Variants in COL6A3 observed in about 807,000 individuals in gnomAD.
COL6A3 encodes collagen type VI alpha 3 chain.
Under a neutral mutation model 274.1 loss-of-function variants are expected in COL6A3, and 137 were observed. The observed-to-expected ratio is 0.50, with a 90% CI of 0.44 to 0.58. The LOEUF (loss-of-function observed/expected upper bound fraction) is 0.58, where lower values mean the gene tolerates loss of function less well. Ranked by LOEUF, COL6A3 falls within the 20% of genes least tolerant of loss-of-function variation. The pLI is 0.00. For missense variants in COL6A3, 3,950 were observed against 4,124.9 expected, an observed-to-expected ratio of 0.96 and a Z score of 1.16; for synonymous variants, 1,650 against 1,650.6, an observed-to-expected ratio of 1.00 and a Z score of 0.01.
chr2:237,370,506 G>A (rs965786867), intron 9 of COL6A3, among the ~76,000 whole-genome samples: 1 of 152,026 alleles, frequency 6.6e-6, no homozygotes, highest in East Asian at 1.9e-4. Context: ...CAAAGTGCTG[G>A]GATTACAGGC....
At position 237,374,846 on chromosome 2, in the gene COL6A3, A is replaced by G. The variant is rs1251341190; in HGVS notation, c.3245T>C (p.Leu1082Pro). The change falls in exon 8 of 44, where the codon CTG becomes CCG. Residue 1082 changes from leucine to proline, a missense_variant. This residue lies in a region of COL6A3 where 1,934 missense variants were observed against 1,984.3 expected (regional missense o/e 0.97). Transcript: ENST00000295550. This position sits in a 1 kb window ranked among gnomAD's most constrained non-coding sequence, Gnocchi z 4.8. Reference protein sequence around the residue: ...YSDRTRPEFYLNSYMNKQDVV... With the variant: ...YSDRTRPEFYPNSYMNKQDVV... ...GTCCTGCTTGTTCATGTATGAATTC[A>G]GGTAGAACTCGGGCCTGGTCCGGTC... 1 of 1,613,988 alleles carries G rather than the reference A, an allele frequency of 6.2e-7. No individual in the cohort carries two copies. Among genetic ancestry groups the G allele is most frequent in the African/African-American group, 1.3e-5 (1 of 74,998 alleles).
chr2:237,402,416 G>T (rs528505355), intron 1 of COL6A3, among the ~76,000 whole-genome samples: 3 of 152,170 alleles, frequency 2.0e-5, no homozygotes, highest in Non-Finnish European at 4.4e-5. Flanking sequence ...AATGAGGACA[G>T]GAAATATCAT....
Position 237,377,003 on chromosome 2 carries a change from G to A in COL6A3, c.2839C>T (p.Leu947=). ...CGGTCAGATGACCTTCCTGCGACCA[G>A]CAGCACCAGGAACTGAAGCACTCCA... The part of the protein sequence containing the change: ...EDGVLQFLVL[L]VAGRSSDRVD... Residue 947 remains leucine (L), a synonymous_variant, in exon 7 of 44, where the codon CTG becomes TTG. Coordinates refer to ENST00000295550, the MANE Select transcript of COL6A3 (RefSeq NM_004369.4). 6.2e-7 allele frequency: 1 copy of A among 1,614,204 alleles called. No individual in the cohort carries two copies.
chr2:237,341,341 C>T (rs911972271), intron 37 of COL6A3, among the ~76,000 whole-genome samples, 191 bp from the exon 38 acceptor site: 3 of 152,104 alleles, frequency 2.0e-5, no homozygotes, highest in Non-Finnish European at 2.9e-5. Flanking sequence ...GTCAAGAGAT[C>T]GAGATCATCC....
At chr2:237,402,194 A>G (rs1465600816) in intron 1 of COL6A3, among the ~76,000 whole-genome samples, 3 of 152,170 alleles carry the variant, frequency 2.0e-5, no homozygotes, top group Admixed American at 6.5e-5. Context: ...TTAGAAAAAG[A>G]ACCTAGAATG....
chr2:237,349,102 T>C (rs2077153877), intron 28 of COL6A3, among the ~76,000 whole-genome samples: 1 of 149,910 alleles, frequency 6.7e-6, no homozygotes, highest in South Asian at 2.2e-4. Context: ...CCCCTCCCCA[T>C]ATCCCTTCCC....
chr2:237,382,899 C>T (rs868422065), intron 4 of COL6A3, among the ~76,000 whole-genome samples: 2 of 152,094 alleles, frequency 1.3e-5, no homozygotes, highest in African/African-American at 2.4e-5. Flanking sequence ...GCGATTCTCC[C>T]ACCTCAGCCT....
Position 237,395,079 on chromosome 2 carries a change from C to T in COL6A3, c.217G>A (p.Glu73Lys), listed in dbSNP as rs775433277. The T allele has an allele frequency of 5.6e-6, 9 of 1,614,132 alleles. No individual in the cohort carries two copies. Among genetic ancestry groups the T allele is most frequent in the Non-Finnish European group, 7.6e-6 (9 of 1,180,026 alleles). ...YDVVKSLAVG[E>K]NDFHFALVQF... The stretch of plus-strand genomic sequence containing the variant: ...ACCAGAGCAAAATGGAAATCATTTT[C>T]TCCCACAGCTAAGGATTTTACAACA... The change falls in exon 3 of 44, where the codon GAA becomes AAA. Residue 73 changes from glutamate (E) to lysine (K), a missense_variant. Around this residue, in one of 5 missense-constraint regions of COL6A3, gnomAD observed 1,934 missense variants for 1,984.3 expected, o/e 0.97. Transcript: ENST00000295550.
chr2:237,348,810 G>C, intron 28 of COL6A3, 147 bp from the exon 29 acceptor site: 2 of 733,652 alleles, frequency 2.7e-6, no homozygotes, highest in East Asian at 5.4e-5. Flanking sequence ...CACACTTCCT[G>C]CTCCTGTCCT....
intron 22 of COL6A3, 131 bp downstream of exon 22, chr2:237,357,686 C>T: frequency 1.0e-6 from 1 of 962,450 alleles, no homozygotes; most frequent in Non-Finnish European, 1.7e-6. Context: ...GGGGACTCTG[C>T]TGCTAATCTT....
chr2:237,389,839 T>C (rs1318203273), intron 3 of COL6A3, among the ~76,000 whole-genome samples: 1 of 152,270 alleles, frequency 6.6e-6, no homozygotes, highest in African/African-American at 2.4e-5. Context: ...AATTAAGATC[T>C]TGTGTTTTTA....
intron 12 of COL6A3, among the ~76,000 whole-genome samples, chr2:237,365,229 C>G (rs1178422109): frequency 6.6e-6 from 1 of 151,080 alleles, no homozygotes; most frequent in East Asian, 1.9e-4. Flanking sequence ...CCTGCCGACA[C>G]CTCGAGGATG....
At chr2:237,325,423 C>G in intron 43 of COL6A3, 137 bp downstream of exon 43, 3 of 1,021,476 alleles carry the variant, frequency 2.9e-6, no homozygotes, top group Non-Finnish European at 4.5e-6. Flanking sequence ...ATTTGAACGT[C>G]TTCCTTATCT....
intron 2 of COL6A3, 83 bp downstream of exon 2, chr2:237,396,644 C>A: frequency 7.4e-7 from 1 of 1,349,600 alleles, no homozygotes; most frequent in Non-Finnish European, 1.1e-6. Flanking sequence ...TATCTAAGCT[C>A]TATGTCAGTG....
Position 237,338,954 on chromosome 2 carries a change from G to A in COL6A3, c.8567+61C>T. On this transcript the variant is annotated intron_variant, in intron 39 of 43. Transcript: ENST00000295550. The stretch of plus-strand genomic sequence containing the variant: ...CATCCCATAAAGTCAGGAGGTGGTT[G>A]GAGGACCTGTGCATTCCCTGCAGCG... 2.3e-6 allele frequency: 3 copies of A among 1,318,384 alleles called. No individual in the cohort carries two copies. The South Asian group carries it at 3.6e-5, about 16-fold the overall frequency. 81.7% of individuals were successfully genotyped at this position (1,318,384 alleles called of 1,614,324 possible).
intron 41 of COL6A3, 60 bp from the exon 42 acceptor site, chr2:237,333,608 C>T (rs1700378570): frequency 1.4e-6 from 2 of 1,420,612 alleles, no homozygotes; most frequent in Non-Finnish European, 2.0e-6. Flanking sequence ...GCTTGGGAAT[C>T]CTTAGTGACT....
chr2:237,373,482 C>A lies in COL6A3; in HGVS notation c.3679+930G>T, dbSNP rs371684491. ...TGGTGGGCCACACTGCTCTCTTCCC[C>A]AGGCACCAGCGAGGAGAAACCAAGC... On this transcript the variant is annotated intron_variant, in intron 8 of 43. Transcript: ENST00000295550. 1.2e-4 allele frequency among the ~76,000 whole-genome samples: 19 copies of A among 152,284 alleles called. No homozygotes were observed. In the East Asian group the frequency reaches 3.5e-3, roughly 28 times the overall value.
chr2:237,374,924 T>C lies in COL6A3; in HGVS notation c.3167A>G (p.Glu1056Gly). The C allele has an allele frequency of 6.2e-7, 1 of 1,613,918 alleles. No individual in the cohort carries two copies. The highest frequency in any genetic ancestry group is 8.5e-7 in the Non-Finnish European group (1 of 1,180,004). ...LLKEFVQRVVESLDVGQDRVR... is the reference protein window; with the variant it reads ...LLKEFVQRVVGSLDVGQDRVR... ...CCGGTCCTGGCCCACATCCAGGCTT[T>C]CCACCACTCTCTGGACAAACTCTTT... Residue 1056 changes from glutamate (E) to glycine (G), a missense_variant, in exon 8 of 44, where the codon GAA (glutamate) becomes GGA (glycine). This residue lies in a region of COL6A3 where 1,934 missense variants were observed against 1,984.3 expected (regional missense o/e 0.97). Coordinates refer to ENST00000295550, the MANE Select transcript of COL6A3 (RefSeq NM_004369.4). This position sits in a 1 kb window ranked among gnomAD's most constrained non-coding sequence, Gnocchi z 4.8.
chr2:237,377,732 T>A (rs1368107486), intron 6 of COL6A3, among the ~76,000 whole-genome samples: 1 of 148,424 alleles, frequency 6.7e-6, no homozygotes, highest in Non-Finnish European at 1.5e-5. Flanking sequence ...CTTAAAAAAA[T>A]TGATCTCAAT....
Sources: gnomAD v4.1 joint callset for allele counts (sites outside exome capture counted in the v4.1 genomes callset) on GRCh38, gnomAD v4.1.1 for gene constraint, gnomAD v4.1.1 regional missense constraint, Gnocchi (gnomAD v3.1) non-coding constraint, MANE v1.5 for transcripts, NCBI Gene and HGNC (gene_info 2026-07-23, HGNC 2026-07-21) for gene names.